TRPM3: variants seen among roughly 807,000 people sequenced by gnomAD.
The protein encoded by TRPM3 is long transient receptor potential channel 3.
Under a neutral mutation model 181.2 loss-of-function variants are expected in TRPM3, and 77 were observed. The observed-to-expected ratio is 0.42, with a 90% CI of 0.35 to 0.51. The LOEUF (loss-of-function observed/expected upper bound fraction) is 0.51, where lower values mean the gene tolerates loss of function less well. TRPM3 is among the 20% of genes least tolerant of loss of function. The probability of loss-of-function intolerance (pLI) is 0.01; values close to 1 mark genes in which losing one functional copy is unlikely to be tolerated. For synonymous variants in TRPM3, 745 were observed against 796.4 expected, an observed-to-expected ratio of 0.94 and a Z score of 1.09; for missense variants, 1,759 against 2,196.7, an observed-to-expected ratio of 0.80 and a Z score of 3.98.
intron 1 of TRPM3, among the ~76,000 whole-genome samples, chr9:71,195,546 T>G (rs2078296940): frequency 6.6e-6 from 1 of 151,990 alleles, no homozygotes; most frequent in Non-Finnish European, 1.5e-5. Flanking sequence ...GAATGTAGAG[T>G]GGAGATTCCT....
At chr9:71,220,176 A>T (rs2080146788) in intron 1 of TRPM3, among the ~76,000 whole-genome samples, 1 of 152,180 alleles carries the variant, frequency 6.6e-6, no homozygotes. Context: ...GACTCAAAAG[A>T]GTCAATTGTA....
intron 1 of TRPM3, among the ~76,000 whole-genome samples, chr9:71,425,011 CCTCT>C (rs927833936): frequency 6.6e-6 from 1 of 152,050 alleles, no homozygotes; most frequent in African/African-American, 2.4e-5. Context: ...CCTTTCTGGA[CCTCT>C]CTAAGAGGAT....
chr9:71,073,557 A>T (rs1282693205), intron 1 of TRPM3, among the ~76,000 whole-genome samples: 1 of 152,188 alleles, frequency 6.6e-6, no homozygotes, highest in Non-Finnish European at 1.5e-5. Flanking sequence ...GCTACTGCTG[A>T]TGTTCCAAAA....
chr9:70,964,021 G>C lies in TRPM3; in HGVS notation c.178-99510C>G, dbSNP rs2097162545. 2.6e-5 allele frequency among the ~76,000 whole-genome samples: 4 copies of C among 152,002 alleles called. 1 individual carries two copies. In the South Asian group the frequency reaches 8.3e-4, roughly 32 times the overall value. ...TCTAACCTCAGTTTTAAATTTCATA[G>C]AGTTTTCTTGGCAAATCAGTGACTA... is the stretch of plus-strand genomic sequence containing the variant. On this transcript the variant is annotated intron_variant, in intron 1 of 25. Coordinates refer to ENST00000677713, the MANE Select transcript of TRPM3 (RefSeq NM_001366145.2).
chr9:70,879,766 G>A (rs1295416050), intron 1 of TRPM3, among the ~76,000 whole-genome samples: 1 of 152,110 alleles, frequency 6.6e-6, no homozygotes, highest in Admixed American at 6.6e-5. Flanking sequence ...TTCCTAACAT[G>A]TTTTGCATAA....
chr9:70,810,500 A>G (rs1438515845), intron 6 of TRPM3, among the ~76,000 whole-genome samples: 1 of 151,850 alleles, frequency 6.6e-6, no homozygotes, highest in African/African-American at 2.4e-5. Flanking sequence ...TCTTCCTAAT[A>G]TTGTTTCTCC....
intron 1 of TRPM3, among the ~76,000 whole-genome samples, chr9:71,211,514 A>G (rs2079506118): frequency 6.6e-6 from 1 of 152,098 alleles, no homozygotes; most frequent in East Asian, 1.9e-4. Context: ...AAACAATAGA[A>G]ATTTACTGTC....
chr9:71,267,937 G>A (rs539058017), intron 1 of TRPM3, among the ~76,000 whole-genome samples: 1 of 152,284 alleles, frequency 6.6e-6, no homozygotes, highest in South Asian at 2.1e-4. Context: ...CCACTTCAAT[G>A]TATTTAAAAT....
chr9:70,619,261 C>T (rs1356045098), intron 16 of TRPM3, among the ~76,000 whole-genome samples, 166 bp from the exon 17 acceptor site: 1 of 152,094 alleles, frequency 6.6e-6, no homozygotes, highest in African/African-American at 2.4e-5. Flanking sequence ...CACTAAGCAT[C>T]TACTATGTGC....
chr9:71,277,728 T>A (rs1272173577), intron 1 of TRPM3, among the ~76,000 whole-genome samples: 1 of 152,188 alleles, frequency 6.6e-6, no homozygotes, highest in Non-Finnish European at 1.5e-5. Context: ...CTCATGGCAA[T>A]ATTTTAACAA....
chr9:71,109,574 G>C (rs2070570864), intron 1 of TRPM3, among the ~76,000 whole-genome samples: 1 of 152,012 alleles, frequency 6.6e-6, no homozygotes, highest in Non-Finnish European at 1.5e-5. Flanking sequence ...AAGACACTAA[G>C]ACTCAGAAAA....
intron 1 of TRPM3, among the ~76,000 whole-genome samples, chr9:70,921,675 CA>C (rs1185922444): frequency 1.3e-5 from 2 of 152,180 alleles, no homozygotes. Flanking sequence ...ACTTCTAACA[CA>C]AAGACCCATT....
intron 1 of TRPM3, among the ~76,000 whole-genome samples, chr9:71,113,855 G>A (rs1224227790): frequency 2.6e-5 from 4 of 152,266 alleles, no homozygotes; most frequent in Admixed American, 2.6e-4. Context: ...TTACACTTTA[G>A]AAGCAGATAT....
At chr9:70,967,025 AAC>A (rs977394428) in intron 1 of TRPM3, among the ~76,000 whole-genome samples, 20 of 100,642 alleles carry the variant, frequency 2.0e-4, no homozygotes, top group South Asian at 7.0e-4. Flanking sequence ...GCAAAAACAA[AAC>A]ACAACAAAAA....
chr9:71,169,398 A>C (rs2076725869), intron 1 of TRPM3, among the ~76,000 whole-genome samples: 1 of 152,166 alleles, frequency 6.6e-6, no homozygotes, highest in Admixed American at 6.5e-5. Flanking sequence ...GGAAGGCGAG[A>C]GTATGTAGGT....
chr9:71,262,834 C>T (rs2083157079), intron 1 of TRPM3, among the ~76,000 whole-genome samples: 2 of 152,130 alleles, frequency 1.3e-5, no homozygotes. Flanking sequence ...AGCTCACTCT[C>T]TGTGGGCTGC....
chr9:71,030,862 C>A (rs1052335564), intron 1 of TRPM3, among the ~76,000 whole-genome samples: 1 of 152,118 alleles, frequency 6.6e-6, no homozygotes, highest in East Asian at 1.9e-4. Flanking sequence ...CATTTTAATT[C>A]TTGCATTTAT....
intron 9 of TRPM3, among the ~76,000 whole-genome samples, chr9:70,678,435 T>G (rs1437438828): frequency 1.3e-5 from 2 of 152,192 alleles, no homozygotes; most frequent in Non-Finnish European, 2.9e-5. Context: ...TGTCTCTCTC[T>G]TTCTTCATTT....
chr9:71,338,234 T>C (rs1188820720), intron 1 of TRPM3, among the ~76,000 whole-genome samples: 1 of 152,148 alleles, frequency 6.6e-6, no homozygotes, highest in East Asian at 1.9e-4. Context: ...AGATGTTCCT[T>C]AGAGTAAGCG....
Sources: gnomAD v4.1 joint callset for allele counts (sites outside exome capture counted in the v4.1 genomes callset) on GRCh38, gnomAD v4.1.1 for gene constraint, MANE v1.5 for transcripts, NCBI Gene and HGNC (gene_info 2026-07-23, HGNC 2026-07-21) for gene names.